The following ADORA2B variants were observed in gnomAD, a reference collection of about 807,000 sequenced individuals.
ADORA2B encodes the protein adenosine receptor A2b.
Under a neutral mutation model 20.8 loss-of-function variants are expected in ADORA2B, and 18 were observed. The observed-to-expected ratio is 0.87, with a 90% CI of 0.60 to 1.29. ADORA2B has a LOEUF of 1.29. Among genes scored for constraint, ADORA2B ranks in the 50% most tolerant of loss-of-function variants. The pLI, the probability that ADORA2B is intolerant of heterozygous loss-of-function variation, is 0.00. For missense variants in ADORA2B, 441 were observed against 422.7 expected (o/e 1.04, Z -0.38); for synonymous variants, 179 against 178.3 (o/e 1.00, Z -0.03).
At chr17:15,851,678 T>C in the ADORA2B span, among the ~76,000 whole-genome samples, 1 of 152,240 alleles carries the variant, frequency 6.6e-6, no homozygotes, top group Non-Finnish European at 1.5e-5. Flanking sequence ...TTAAGGACTT[T>C]GGCAAATACA....
At chr17:15,924,459 C>T in the ADORA2B span, among the ~76,000 whole-genome samples, 1 of 152,184 alleles carries the variant, frequency 6.6e-6, no homozygotes, top group Middle Eastern at 3.4e-3. Context: ...GTAATGCAAG[C>T]TTATTGTTAA....
chr17:15,955,153 T>G (rs1166407487), intron 1 of ADORA2B, among the ~76,000 whole-genome samples: 1 of 152,172 alleles, frequency 6.6e-6, no homozygotes, highest in African/African-American at 2.4e-5. Flanking sequence ...AAAATGGATT[T>G]TTTTTCAACC....
intron 1 of ADORA2B, chr17:15,974,404 C>A (rs576520224): frequency 1.0e-5 from 4 of 396,214 alleles, no homozygotes; most frequent in African/African-American, 6.0e-5. Context: ...TACAGTACTC[C>A]CTTAAGGCTT....
the ADORA2B span, among the ~76,000 whole-genome samples, chr17:15,860,493 G>A: frequency 6.6e-6 from 1 of 152,052 alleles, no homozygotes; most frequent in African/African-American, 2.4e-5. Flanking sequence ...TCTGATGTCT[G>A]TCAATTAAAA....
At chr17:15,941,399 G>C (rs1969743795), upstream of ADORA2B, among the ~76,000 whole-genome samples, 1 of 152,190 alleles carries the variant, frequency 6.6e-6, no homozygotes, top group Non-Finnish European at 1.5e-5. Flanking sequence ...CTGTTGCTAA[G>C]ACCTGGGCTC....
the ADORA2B span, among the ~76,000 whole-genome samples, chr17:15,881,866 C>T: frequency 2.0e-5 from 3 of 152,188 alleles, no homozygotes; most frequent in Non-Finnish European, 4.4e-5. Flanking sequence ...GCTGGGAGAC[C>T]GCCTACCACT....
At chr17:15,927,478 T>C in the ADORA2B span, among the ~76,000 whole-genome samples, 1 of 150,036 alleles carries the variant, frequency 6.7e-6, no homozygotes, top group Non-Finnish European at 1.5e-5. Context: ...TGAGACCCTG[T>C]CTCAGGAAAA....
upstream of ADORA2B, chr17:15,944,829 G>A (rs1217023005): frequency 1.3e-5 from 2 of 154,312 alleles, no homozygotes; most frequent in Non-Finnish European, 2.9e-5. This position sits in a 1 kb window ranked among gnomAD's most constrained non-coding sequence, Gnocchi z 4.8. Flanking sequence ...CCCGGGCAGA[G>A]CCCGGCCCCA....
At chr17:15,897,572 A>G in the ADORA2B span, among the ~76,000 whole-genome samples, 2 of 152,082 alleles carry the variant, frequency 1.3e-5, no homozygotes, top group African/African-American at 4.8e-5. Context: ...TGTCTCAAAA[A>G]CAAAACAAAA....
chr17:15,911,482 T>C, the ADORA2B span, among the ~76,000 whole-genome samples: 3 of 152,342 alleles, frequency 2.0e-5, no homozygotes, highest in East Asian at 5.8e-4. Flanking sequence ...GAACCAGCTC[T>C]GCTCAAAGCA....
intron 1 of ADORA2B, among the ~76,000 whole-genome samples, chr17:15,965,446 G>A (rs959558805): frequency 1.3e-5 from 2 of 152,234 alleles, no homozygotes; most frequent in Non-Finnish European, 2.9e-5. Flanking sequence ...GTACACGGGA[G>A]AGGTGCTCTG....
At chr17:15,858,214 G>A in the ADORA2B span, among the ~76,000 whole-genome samples, 2 of 152,018 alleles carry the variant, frequency 1.3e-5, no homozygotes, top group African/African-American at 2.4e-5. Context: ...ACCATTGTAC[G>A]CTCTCATGAA....
chr17:15,885,355 C>G, the ADORA2B span, among the ~76,000 whole-genome samples: 1 of 152,126 alleles, frequency 6.6e-6, no homozygotes, highest in Non-Finnish European at 1.5e-5. Context: ...CAAGGTCAAA[C>G]ATAGACAGAA....
chr17:15,904,939 T>G, the ADORA2B span, among the ~76,000 whole-genome samples: 1 of 152,244 alleles, frequency 6.6e-6, no homozygotes. Context: ...AATACTACAC[T>G]GTCTTGATTA....
chr17:15,911,128 CT>C, the ADORA2B span, among the ~76,000 whole-genome samples: 3 of 152,222 alleles, frequency 2.0e-5, no homozygotes, highest in African/African-American at 7.2e-5. Context: ...GTGGGAGCTC[CT>C]GAGCAACTGC....
the ADORA2B span, among the ~76,000 whole-genome samples, chr17:15,919,396 C>T: frequency 6.6e-6 from 1 of 152,174 alleles, no homozygotes; most frequent in African/African-American, 2.4e-5. Context: ...AGCAAGACTG[C>T]CTTAGAGAAA....
chr17:15,934,206 C>T, the ADORA2B span, among the ~76,000 whole-genome samples: 5 of 152,120 alleles, frequency 3.3e-5, no homozygotes, highest in East Asian at 9.6e-4. Flanking sequence ...ATAAATCCCA[C>T]CTGATCATAG....
chr17:15,902,774 G>A, the ADORA2B span, among the ~76,000 whole-genome samples: 1 of 119,548 alleles, frequency 8.4e-6, no homozygotes, highest in African/African-American at 3.1e-5. Flanking sequence ...AAGGCTACTC[G>A]GCTTCTGGAT....
chr17:15,880,316 C>A, the ADORA2B span, among the ~76,000 whole-genome samples: 2 of 132,278 alleles, frequency 1.5e-5, no homozygotes, highest in East Asian at 4.1e-4. Context: ...TGGCTTTTAC[C>A]TTTAATTTTA....
Sources: gnomAD v4.1 joint callset for allele counts (sites outside exome capture counted in the v4.1 genomes callset) on GRCh38, gnomAD v4.1.1 for gene constraint, Gnocchi (gnomAD v3.1) non-coding constraint, MANE v1.5 for transcripts, NCBI Gene and HGNC (gene_info 2026-07-23, HGNC 2026-07-21) for gene names.